CSMD1: variants seen among roughly 807,000 people sequenced by gnomAD.
The protein encoded by CSMD1 is CUB and sushi domain-containing protein 1.
Under a neutral mutation model 417.5 loss-of-function variants are expected in CSMD1, and 213 were observed. The ratio of observed to expected loss-of-function variants is 0.51; its 90% CI spans 0.46 to 0.57. The LOEUF is 0.57. Among genes scored for constraint, CSMD1 ranks in the 20% least tolerant of loss-of-function variants. The probability of loss-of-function intolerance (pLI) is 0.00; values close to 1 mark genes in which losing one functional copy is unlikely to be tolerated. For synonymous variants in CSMD1, 2,862 were observed against 1,736.8 expected (o/e 1.65, Z -16.11); for missense variants, 6,923 against 4,529.7 (o/e 1.53, Z -15.17).
chr8:4,169,882 C>T (rs1159682152), intron 3 of CSMD1, among the ~76,000 whole-genome samples: 1 of 149,730 alleles, frequency 6.7e-6, no homozygotes, highest in Non-Finnish European at 1.5e-5. Flanking sequence ...TAATTTACTT[C>T]TGTTTTCTAT....
chr8:4,217,358 T>C (rs1330896011), intron 3 of CSMD1, among the ~76,000 whole-genome samples: 1 of 152,184 alleles, frequency 6.6e-6, no homozygotes, highest in African/African-American at 2.4e-5. Context: ...TCAACTATAT[T>C]TTCTCTAATA....
chr8:3,837,412 A>G (rs1275362453), intron 5 of CSMD1, among the ~76,000 whole-genome samples: 1 of 152,134 alleles, frequency 6.6e-6, no homozygotes, highest in African/African-American at 2.4e-5. Context: ...TTTGATCTCA[A>G]AGGACTGCCT....
At chr8:4,397,851 ATCTT>A (rs922113982) in intron 3 of CSMD1, among the ~76,000 whole-genome samples, 7 of 152,184 alleles carry the variant, frequency 4.6e-5, no homozygotes, top group African/African-American at 7.2e-5. Flanking sequence ...GTCAGGATAC[ATCTT>A]TCTAATTAAA....
chr8:4,739,874 T>C (rs796508022), intron 1 of CSMD1, among the ~76,000 whole-genome samples: 9 of 152,238 alleles, frequency 5.9e-5, no homozygotes, highest in African/African-American at 2.2e-4. Flanking sequence ...GAGGGATCTT[T>C]CTAAAACTCA....
chr8:3,840,225 G>GA (rs912690730), intron 5 of CSMD1, among the ~76,000 whole-genome samples: 11 of 150,410 alleles, frequency 7.3e-5, no homozygotes, highest in East Asian at 3.9e-4. Flanking sequence ...TTGAACCTTT[G>GA]AAAAAAAAAG....
At chr8:4,475,422 T>C (rs1212931080) in intron 2 of CSMD1, among the ~76,000 whole-genome samples, 1 of 152,130 alleles carries the variant, frequency 6.6e-6, no homozygotes, top group Admixed American at 6.6e-5. Context: ...GTTTCTCTTT[T>C]TTAATATTCA....
intron 49 of CSMD1, among the ~76,000 whole-genome samples, chr8:3,071,480 G>A (rs1813319969): frequency 6.6e-6 from 1 of 151,878 alleles, no homozygotes; most frequent in Non-Finnish European, 1.5e-5. Context: ...TAACAAACCT[G>A]CACATTCTGC....
intron 23 of CSMD1, among the ~76,000 whole-genome samples, chr8:3,330,186 A>G (rs1806799611): frequency 6.6e-6 from 1 of 152,170 alleles, no homozygotes; most frequent in African/African-American, 2.4e-5. Context: ...CAATTACTAT[A>G]GCATTCTTCA....
intron 1 of CSMD1, among the ~76,000 whole-genome samples, chr8:4,815,128 T>C (rs1163816648): frequency 2.6e-5 from 4 of 152,160 alleles, no homozygotes; most frequent in Non-Finnish European, 5.9e-5. Flanking sequence ...CAATGACATC[T>C]AGGTCAATAT....
At chr8:3,315,186 C>CCATTT (rs1212447800) in intron 23 of CSMD1, among the ~76,000 whole-genome samples, 1 of 152,148 alleles carries the variant, frequency 6.6e-6, no homozygotes, top group East Asian at 1.9e-4. Flanking sequence ...TGTTTTCACA[C>CCATTT]CATTTCCTTC....
At chr8:3,505,821 T>C (rs996562216) in intron 10 of CSMD1, among the ~76,000 whole-genome samples, 3 of 152,122 alleles carry the variant, frequency 2.0e-5, no homozygotes, top group Admixed American at 2.0e-4. Context: ...GTCTCAGGTA[T>C]CGTATCAACA....
intron 8 of CSMD1, among the ~76,000 whole-genome samples, chr8:3,603,995 A>T (rs1042402245): frequency 6.6e-6 from 1 of 152,204 alleles, no homozygotes; most frequent in African/African-American, 2.4e-5. Context: ...TGCATACTGA[A>T]TCAATATTTA....
At chr8:3,807,649 G>C (rs1800823017) in intron 5 of CSMD1, among the ~76,000 whole-genome samples, 1 of 152,152 alleles carries the variant, frequency 6.6e-6, no homozygotes, top group Non-Finnish European at 1.5e-5. Context: ...ACACTGGGAA[G>C]TTTTCATTCA....
At chr8:3,235,696 G>C (rs1253942321) in intron 26 of CSMD1, among the ~76,000 whole-genome samples, 4 of 152,100 alleles carry the variant, frequency 2.6e-5, no homozygotes, top group Admixed American at 2.6e-4. Flanking sequence ...ACAGTGCCTT[G>C]CACTAGTGGT....
chr8:4,856,282 G>C (rs1035212782), intron 1 of CSMD1, among the ~76,000 whole-genome samples: 26 of 142,010 alleles, frequency 1.8e-4, no homozygotes, highest in African/African-American at 6.2e-4. Context: ...ACATGGAAAT[G>C]AACAAACGGT....
At position 3,179,166 on chromosome 8, in the gene CSMD1, C is replaced by T. The variant is rs532756446; in HGVS notation, c.5725+1944G>A. Among the ~76,000 whole-genome samples the T allele has an allele frequency of 1.0e-3, 158 of 151,568 alleles. 5 individuals carry two copies. Among genetic ancestry groups the T allele is most frequent in the African/African-American group, 3.1e-3 (126 of 41,190 alleles). The stretch of plus-strand genomic sequence containing the variant: ...TTCAACGTGTTAGCCAGGACTGTCT[C>T]GATCTCCTGACCTCGTGATCTGCCC... On this transcript the variant is annotated intron_variant, in intron 37 of 69. Transcript: ENST00000635120.
chr8:3,139,053 C>T (rs944206135), intron 41 of CSMD1, among the ~76,000 whole-genome samples: 12 of 152,168 alleles, frequency 7.9e-5, no homozygotes, highest in African/African-American at 2.7e-4. Flanking sequence ...CTGCACCTCA[C>T]ACTTAGTGAG....
intron 15 of CSMD1, among the ~76,000 whole-genome samples, chr8:3,403,828 T>G (rs1379168440): frequency 6.6e-6 from 1 of 152,240 alleles, no homozygotes; most frequent in Non-Finnish European, 1.5e-5. Context: ...TACTCATTTA[T>G]AAAAGATGAA....
At chr8:3,306,827 TTA>T (rs1584967886) in intron 25 of CSMD1, among the ~76,000 whole-genome samples, 1 of 27,834 alleles carries the variant, frequency 3.6e-5, no homozygotes, top group East Asian at 8.4e-4. Context: ...CACCAAGAGC[TTA>T]CTTTAAAAAT....
Sources: gnomAD v4.1 joint callset for allele counts (sites outside exome capture counted in the v4.1 genomes callset) on GRCh38, gnomAD v4.1.1 for gene constraint, MANE v1.5 for transcripts, NCBI Gene and HGNC (gene_info 2026-07-23, HGNC 2026-07-21) for gene names.